SLC51A: variants seen among roughly 807,000 people sequenced by gnomAD.
SLC51A encodes the protein solute carrier family 51 member A.
A neutral mutation model predicts 34.8 loss-of-function variants in SLC51A; 22 were observed. That is an observed-to-expected ratio of 0.63 (90% CI 0.45 to 0.90). The LOEUF is 0.90. Among genes scored for constraint, SLC51A ranks in the 40% least tolerant of loss-of-function variants. The pLI is 0.00. For missense variants in SLC51A, 371 were observed against 414.8 expected, an observed-to-expected ratio of 0.89 and a Z score of 0.92; for synonymous variants, 181 against 176.3, an observed-to-expected ratio of 1.03 and a Z score of -0.21.
At position 196,229,958 on chromosome 3, in the gene SLC51A, G is replaced by T; in HGVS notation, c.677G>T (p.Gly226Val). Residue 226 changes from glycine (G) to valine (V), a missense_variant, in exon 7 of 9, where the codon GGC becomes GTC. Coordinates refer to ENST00000296327, the MANE Select transcript of SLC51A (RefSeq NM_152672.6). ...GCTCTATGGATCAACACTTTCCTTGGCGTGTCCACACTGCTGGCTCTCTGG... is the reference window on the plus strand; with the variant it reads ...GCTCTATGGATCAACACTTTCCTTGTCGTGTCCACACTGCTGGCTCTCTGG... ...STALWINTFL[G>V]VSTLLALWTL... The T allele has an allele frequency of 6.2e-7, 1 of 1,613,464 alleles. No homozygotes were observed. Among genetic ancestry groups the T allele is most frequent in the Non-Finnish European group, 8.5e-7 (1 of 1,179,708 alleles).
rs775821333 is a variant in SLC51A, at chr3:196,228,927, C to T, written c.633+7C>T. The T allele has an allele frequency of 6.9e-6, 11 of 1,604,406 alleles. No individual in the cohort carries two copies. Among genetic ancestry groups the T allele is most frequent in the African/African-American group, 1.3e-5 (1 of 74,738 alleles). ...CATCTATGACCCAGCAGACGTAAGC[C>T]GGGAGTAAGGGACAGCACAGTCCAA... is the stretch of plus-strand genomic sequence containing the variant. On this transcript the variant is annotated splice_region_variant and intron_variant, in intron 6 of 8. Coordinates refer to ENST00000296327, the MANE Select transcript of SLC51A (RefSeq NM_152672.6). This position sits in a 1 kb window ranked among gnomAD's most constrained non-coding sequence, Gnocchi z 4.9.
chr3:196,218,951 A>C (rs753272036), intron 2 of SLC51A, among the ~76,000 whole-genome samples: 1 of 151,950 alleles, frequency 6.6e-6, no homozygotes, highest in Non-Finnish European at 1.5e-5. Context: ...ATTGGCTGGG[A>C]GCGGTGGCTC....
intron 7 of SLC51A, 92 bp downstream of exon 7, chr3:196,230,153 C>A: frequency 8.1e-7 from 1 of 1,240,056 alleles, no homozygotes. Flanking sequence ...TAAAGTGGGC[C>A]GGGAATCTTT....
Position 196,228,746 on chromosome 3 carries a change from C to CCA in SLC51A, c.522-63_522-62insCA. ...TCAGCCCAGGAGCCCTGTGAGGAGCCGGGGCGTCTTCCTGGGGCAGGGGGT... is the reference window on the plus strand; with the variant it reads ...TCAGCCCAGGAGCCCTGTGAGGAGCCCAGGGGCGTCTTCCTGGGGCAGGGGGT... On this transcript the variant is annotated intron_variant, in intron 5 of 8. Coordinates refer to ENST00000296327, the MANE Select transcript of SLC51A (RefSeq NM_152672.6). This position sits in a 1 kb window ranked among gnomAD's most constrained non-coding sequence, Gnocchi z 4.9. 7.1e-7 allele frequency: 1 copy of CCA among 1,406,668 alleles called. No individual in the cohort carries two copies. The highest frequency in any genetic ancestry group is 1.0e-6 in the Non-Finnish European group (1 of 992,250). The allele number at this position is 1,406,668 out of a possible 1,614,324, so 87.1% of individuals were successfully genotyped here. A position where few individuals can be genotyped will look rare whatever the true frequency, so the allele number is the denominator to read the frequency against.
At chr3:196,229,824 AGCTGGGTGAC>A in intron 6 of SLC51A, 81 bp from the exon 7 acceptor site, 2 of 1,449,068 alleles carry the variant, frequency 1.4e-6, no homozygotes, top group Non-Finnish European at 1.8e-6. Context: ...CTGCACTTTC[AGCTGGGTGAC>A]AGAGTGACAC....
In SLC51A at chr3:196,226,958, C is replaced by T. The variant is rs1577346880; in HGVS notation, c.134-7C>T. On this transcript the variant is annotated splice_region_variant and splice_polypyrimidine_tract_variant and intron_variant, in intron 2 of 8. Coordinates refer to ENST00000296327, the MANE Select transcript of SLC51A (RefSeq NM_152672.6). ...GGTCGTCAGCTCTCTGCCTTCTCCT[C>T]CTCTAGCCCTGGGCCCTGTGGAACT... 6.2e-7 allele frequency: 1 copy of T among 1,610,150 alleles called. No individual in the cohort carries two copies.
chr3:196,230,218 CTT>C, intron 7 of SLC51A, 157 bp downstream of exon 7: 1 of 763,646 alleles, frequency 1.3e-6, no homozygotes, highest in Non-Finnish European at 2.0e-6. Flanking sequence ...GTGCTTCCCG[CTT>C]TTGTCTTTCT....
In SLC51A at chr3:196,227,127, C is replaced by T. The variant is rs1053285660; in HGVS notation, c.288+8C>T. 4 of 1,613,020 alleles carry T rather than the reference C, an allele frequency of 2.5e-6. No individual in the cohort carries two copies. The highest frequency in any genetic ancestry group is 3.4e-6 in the Non-Finnish European group (4 of 1,179,890). The stretch of plus-strand genomic sequence containing the variant: ...AAGAGCTCGGCACCCACGGTGAGGC[C>T]CCCGGGGCTGCCCTGTGGGGGGAAC... On this transcript the variant is annotated splice_region_variant and intron_variant, in intron 3 of 8. Transcript: ENST00000296327.
chr3:196,224,728 G>C (rs1022491066), intron 2 of SLC51A, among the ~76,000 whole-genome samples: 14 of 115,520 alleles, frequency 1.2e-4, no homozygotes, highest in African/African-American at 4.4e-4. Context: ...GGGGAGGAGA[G>C]GGGAGGAGAG....
Position 196,228,358 on chromosome 3 carries a change from C to A in SLC51A, c.521+85C>A. 6.8e-7 allele frequency: 1 copy of A among 1,479,654 alleles called. No individual in the cohort carries two copies. The allele number at this position is 1,479,654 out of a possible 1,614,324, so 91.7% of individuals were successfully genotyped here. On this transcript the variant is annotated intron_variant, in intron 5 of 8. Transcript: ENST00000296327. The surrounding 1 kb of genome is among the most constrained non-coding windows in gnomAD (Gnocchi z 4.9). The stretch of plus-strand genomic sequence containing the variant: ...CCCCTTCAAGGCTCTGGGAATTAGG[C>A]GTGAATAGGCCAAAGCCAGTGACGG...
chr3:196,219,690 C>A (rs1019455253), intron 2 of SLC51A, among the ~76,000 whole-genome samples: 1 of 152,168 alleles, frequency 6.6e-6, no homozygotes, highest in African/African-American at 2.4e-5. Flanking sequence ...CAGCAGCTGT[C>A]CCCCCAGGGA....
intron 4 of SLC51A, 30 bp downstream of exon 4, chr3:196,227,767 G>A (rs1255069276): frequency 1.3e-6 from 2 of 1,593,482 alleles, no homozygotes; most frequent in African/African-American, 2.7e-5. Flanking sequence ...CCACCTCCAA[G>A]GGCCCCTCTG....
rs1489713273 is a variant in SLC51A at position 196,216,766 on chromosome 3, G to A, written c.38+16G>A. The stretch of plus-strand genomic sequence containing the variant: ...TTGACCCCAGGTAAGTGAGGGCGGC[G>A]GGCCCTGGGCCAGTCGCTGGGCAGC... On this transcript the variant is annotated intron_variant, in intron 1 of 8. Transcript: ENST00000296327. The surrounding 1 kb of genome is among the most constrained non-coding windows in gnomAD (Gnocchi z 4.5). 2.4e-5 allele frequency: 37 copies of A among 1,566,594 alleles called. No homozygotes were observed. The highest frequency in any genetic ancestry group is 7.1e-5 in the East Asian group (3 of 42,282).
At chr3:196,229,703 AGTT>A in intron 6 of SLC51A, 2 of 430,914 alleles carry the variant, frequency 4.6e-6, no homozygotes, top group South Asian at 7.6e-5. Flanking sequence ...AAAAAAAAAA[AGTT>A]AGCTGGGAAT....
intron 2 of SLC51A, among the ~76,000 whole-genome samples, chr3:196,219,629 G>A (rs1723692526): frequency 6.6e-6 from 1 of 152,220 alleles, no homozygotes. Flanking sequence ...TCTAGTTCCA[G>A]TGAACCTCCT....
Position 196,229,961 on chromosome 3 carries a change from T to C in SLC51A, c.680T>C (p.Val227Ala). 6.2e-7 allele frequency: 1 copy of C among 1,613,680 alleles called. No homozygotes were observed. Residue 227 changes from valine to alanine, a missense_variant, in exon 7 of 9, where the codon GTG (valine) becomes GCG (alanine). Physicochemically the swap from Val to Ala is moderately conservative, Grantham distance 64. Coordinates refer to ENST00000296327, the MANE Select transcript of SLC51A (RefSeq NM_152672.6). ...TALWINTFLGVSTLLALWTLG... is the reference protein window; with the variant it reads ...TALWINTFLGASTLLALWTLG... ...CTATGGATCAACACTTTCCTTGGCG[T>C]GTCCACACTGCTGGCTCTCTGGACC...
chr3:196,220,469 T>C (rs1197424374), intron 2 of SLC51A, among the ~76,000 whole-genome samples: 1 of 152,064 alleles, frequency 6.6e-6, no homozygotes, highest in Admixed American at 6.6e-5. Context: ...TGGTGGCGCG[T>C]GCCTGTAATC....
At position 196,226,008 on chromosome 3, in the gene SLC51A, G is replaced by A. The variant is rs999401409; in HGVS notation, c.134-957G>A. 2.6e-5 allele frequency among the ~76,000 whole-genome samples: 4 copies of A among 152,112 alleles called. No homozygotes were observed. In the South Asian group the frequency reaches 6.2e-4, roughly 24 times the overall value. On this transcript the variant is annotated intron_variant, in intron 2 of 8. Coordinates refer to ENST00000296327, the MANE Select transcript of SLC51A (RefSeq NM_152672.6). ...TGTCCTTGGGGTTTTTATTTGATCC[G>A]TTTCTCTTTTGTTGAAGTTCTCCCC...
rs752209789 is a variant in SLC51A, at chr3:196,233,302, A to T, written c.*103A>T. 2.4e-5 allele frequency: 31 copies of T among 1,310,308 alleles called. No individual in the cohort carries two copies. In the Middle Eastern group the frequency reaches 3.2e-3, roughly 135 times the overall value. 81.2% of individuals were successfully genotyped at this position (1,310,308 alleles called of 1,614,324 possible). A position where few individuals can be genotyped will look rare whatever the true frequency, so the allele number is the denominator to read the frequency against. On this transcript the variant is annotated 3_prime_UTR_variant, in exon 9 of 9. Coordinates refer to ENST00000296327, the MANE Select transcript of SLC51A (RefSeq NM_152672.6). ...AAATGGGAAGCATTCCCCCTTGTCA[A>T]CACAAGCTGGCAGATACATTTGACT...
Sources: gnomAD v4.1 joint callset for allele counts (sites outside exome capture counted in the v4.1 genomes callset) on GRCh38, gnomAD v4.1.1 for gene constraint, Gnocchi (gnomAD v3.1) non-coding constraint, MANE v1.5 for transcripts, NCBI Gene and HGNC (gene_info 2026-07-23, HGNC 2026-07-21) for gene names.